Variants in NACC2 observed in about 807,000 individuals in gnomAD.
NACC2 encodes the protein NACC family member 2.
In NACC2, 8 loss-of-function variants were observed where a neutral mutation model predicts 25.1. The ratio of observed to expected loss-of-function variants is 0.32; its 90% CI spans 0.19 to 0.57. NACC2 has a LOEUF of 0.57. NACC2 is among the 20% of genes least tolerant of loss of function. NACC2 has a pLI of 0.89. For missense variants in NACC2, 644 were observed against 650.2 expected, an observed-to-expected ratio of 0.99 and a Z score of 0.10; for synonymous variants, 435 against 294.7, an observed-to-expected ratio of 1.48 and a Z score of -4.88.
intron 2 of NACC2, among the ~76,000 whole-genome samples, chr9:136,032,120 G>C (rs989151879): frequency 4.4e-4 from 67 of 151,954 alleles, no homozygotes; most frequent in African/African-American, 1.6e-3. Flanking sequence ...CTCTGTCCAG[G>C]ACTTTAACAG....
intron 2 of NACC2, among the ~76,000 whole-genome samples, chr9:136,032,184 C>T (rs543658335): frequency 2.6e-5 from 4 of 152,274 alleles, no homozygotes; most frequent in Non-Finnish European, 4.4e-5. Flanking sequence ...GGAATATCAG[C>T]GAGCTGCATC....
At chr9:136,057,372 G>A (rs1213268256) in intron 1 of NACC2, among the ~76,000 whole-genome samples, 2 of 152,288 alleles carry the variant, frequency 1.3e-5, no homozygotes, top group East Asian at 1.9e-4. Context: ...TCGAAGGGTG[G>A]GGAGGGACAG....
In NACC2 at chr9:136,084,097, C is replaced by G. The variant is rs1830353707; in HGVS notation, c.-60+11092G>C. On this transcript the variant is annotated intron_variant, in intron 1 of 5. Transcript: ENST00000277554. This position sits in a 1 kb window ranked among gnomAD's most constrained non-coding sequence, Gnocchi z 5.1. ...AAGGTGGTGCTCGCTGAGGGTGTCC[C>G]TCACTCAGTGGCTCCAGGGACAACT... 6.6e-6 allele frequency among the ~76,000 whole-genome samples: 1 copy of G among 151,920 alleles called. No individual in the cohort carries two copies. The highest frequency in any genetic ancestry group is 2.1e-4 in the South Asian group (1 of 4,808).
chr9:136,024,351 G>A (rs1272598439), intron 2 of NACC2, among the ~76,000 whole-genome samples: 14 of 139,714 alleles, frequency 1.0e-4, no homozygotes, highest in East Asian at 2.0e-4. Flanking sequence ...AGGACAGAGT[G>A]TGTGTGTGTG....
intron 1 of NACC2, among the ~76,000 whole-genome samples, chr9:136,087,520 C>T (rs1326904733): frequency 6.6e-6 from 1 of 152,226 alleles, no homozygotes; most frequent in Non-Finnish European, 1.5e-5. Flanking sequence ...CAGAGCCAGT[C>T]CTCGCAGGGC....
intron 1 of NACC2, among the ~76,000 whole-genome samples, chr9:136,068,135 T>C (rs1028292722): frequency 2.0e-5 from 3 of 152,140 alleles, no homozygotes; most frequent in African/African-American, 7.2e-5. Context: ...ACTGGGATAT[T>C]ACTATATGCT....
intron 1 of NACC2, among the ~76,000 whole-genome samples, chr9:136,077,456 TG>T (rs1830274922): frequency 1.3e-5 from 2 of 152,096 alleles, no homozygotes; most frequent in Non-Finnish European, 2.9e-5. Context: ...ATTAAAATAT[TG>T]AAAAATAAAG....
In NACC2 at chr9:136,050,270, G is replaced by T; in HGVS notation, c.252C>A (p.Phe84Leu). Residue 84 changes from phenylalanine (F) to leucine (L), a missense_variant, in exon 2 of 6, where the codon TTC (phenylalanine) becomes TTA (leucine). Phe to Leu is a conservative substitution (Grantham distance 22). Coordinates refer to ENST00000277554, the MANE Select transcript of NACC2 (RefSeq NM_144653.5). ...TCATGGTGAGCCTGCCCGTGTAGCA[G>T]AAGGACAGGATCTGCTGGAAGCAGG... ...PPACFQQILS[F>L]CYTGRLTMTA... 1 of 765,366 alleles carries T rather than the reference G, an allele frequency of 1.3e-6. No individual in the cohort carries two copies. 47.4% of individuals were successfully genotyped at this position (765,366 alleles called of 1,614,324 possible).
intron 5 of NACC2, among the ~76,000 whole-genome samples, chr9:136,012,794 C>T (rs983848418): frequency 4.6e-5 from 7 of 152,180 alleles, no homozygotes; most frequent in South Asian, 2.1e-4. Context: ...GGGCGCGGGC[C>T]GGGGGCGGCG....
At chr9:136,075,402 C>T (rs1220881934) in intron 1 of NACC2, among the ~76,000 whole-genome samples, 2 of 152,248 alleles carry the variant, frequency 1.3e-5, no homozygotes, top group African/African-American at 2.4e-5. Flanking sequence ...TGTCCACTCT[C>T]CCCGGGCTTG....
rs962954666 is a variant in NACC2, at chr9:136,008,848, C to T, written c.*2668G>A. ...TTAGTGCAAAATGCTCGGCCTGGCC[C>T]GCCCGGGGCGCAGGGAGAGCTCAGA... On this transcript the variant is annotated 3_prime_UTR_variant, in exon 6 of 6. Coordinates refer to ENST00000277554, the MANE Select transcript of NACC2 (RefSeq NM_144653.5). The T allele has an allele frequency of 2.0e-5, 3 of 152,316 alleles. No homozygotes were observed. The highest frequency in any genetic ancestry group is 4.8e-5 in the African/African-American group (2 of 41,472). 9.4% of individuals were successfully genotyped at this position (152,316 alleles called of 1,614,324 possible). A position where few individuals can be genotyped will look rare whatever the true frequency, so the allele number is the denominator to read the frequency against.
intron 1 of NACC2, among the ~76,000 whole-genome samples, chr9:136,068,668 T>G (rs748638881): frequency 2.0e-5 from 3 of 151,720 alleles, no homozygotes; most frequent in Non-Finnish European, 2.9e-5. Context: ...AACCACTAAA[T>G]TATACAGTGT....
In NACC2 at chr9:136,007,443, GCA is replaced by G. The variant is rs60298224; in HGVS notation, c.*4071_*4072del. ...CGCGTGCACACATACACACAGACGC[GCA>G]CACACACGCGCACACAGACGCACAC... On this transcript the variant is annotated 3_prime_UTR_variant, in exon 6 of 6. Transcript: ENST00000277554. 12,013 of 119,794 alleles carry G rather than the reference GCA, an allele frequency of 0.1. 727 individuals are homozygous for G. The highest frequency in any genetic ancestry group is 0.22 in the African/African-American group (7,072 of 31,816). 7.4% of individuals were successfully genotyped at this position (119,794 alleles called of 1,614,324 possible).
In NACC2 at chr9:136,007,089, T is replaced by C. The variant is rs1183135981; in HGVS notation, c.*4427A>G. 1.3e-5 allele frequency: 2 copies of C among 154,418 alleles called. No homozygotes were observed. Among genetic ancestry groups the C allele is most frequent in the East Asian group, 3.8e-4 (2 of 5,198 alleles). The allele number at this position is 154,418 out of a possible 1,614,324, so 9.6% of individuals were successfully genotyped here. On this transcript the variant is annotated 3_prime_UTR_variant, in exon 6 of 6. Transcript: ENST00000277554. ...TTATACATTTTATACTTAGTTCTTT[T>C]TTTTGTCTGCTAAAAATAGTATTGC...
chr9:136,028,507 C>G (rs1448050732), intron 2 of NACC2, among the ~76,000 whole-genome samples: 1 of 151,872 alleles, frequency 6.6e-6, no homozygotes, highest in Non-Finnish European at 1.5e-5. Context: ...TCCTGCGTAA[C>G]TGTGACTACA....
intron 5 of NACC2, 138 bp from the exon 6 acceptor site, chr9:136,012,162 T>C: frequency 9.0e-7 from 1 of 1,109,796 alleles, no homozygotes; most frequent in Non-Finnish European, 1.2e-6. Flanking sequence ...GGGGCTCTCC[T>C]GGCCTCAGCC....
At chr9:136,085,216 C>T (rs1392741782) in intron 1 of NACC2, among the ~76,000 whole-genome samples, 1 of 131,270 alleles carries the variant, frequency 7.6e-6, no homozygotes, top group African/African-American at 2.9e-5. Context: ...GTGGTGCCAT[C>T]TCAGCTCACT....
intron 1 of NACC2, among the ~76,000 whole-genome samples, chr9:136,066,268 T>C (rs1256356302): frequency 1.3e-5 from 2 of 151,418 alleles, no homozygotes; most frequent in Non-Finnish European, 2.9e-5. Context: ...AAGAGACTTA[T>C]ATCTAGAATG....
intron 1 of NACC2, among the ~76,000 whole-genome samples, chr9:136,061,196 A>G (rs1841006033): frequency 6.6e-6 from 1 of 152,062 alleles, no homozygotes; most frequent in African/African-American, 2.4e-5. Flanking sequence ...TGTGCCGGCT[A>G]CCGGGGTCTC....
Sources: allele counts gnomAD v4.1 joint callset (sites outside exome capture counted in the v4.1 genomes callset), GRCh38; gene constraint gnomAD v4.1.1; non-coding constraint Gnocchi (gnomAD v3.1); transcripts MANE v1.5; gene names NCBI Gene and HGNC (gene_info 2026-07-23, HGNC 2026-07-21).